Variants in HHAT observed in about 807,000 individuals in gnomAD.
The protein encoded by HHAT is protein-cysteine N-palmitoyltransferase HHAT.
Under a neutral mutation model 70.8 loss-of-function variants are expected in HHAT, and 47 were observed. That is an observed-to-expected ratio of 0.66 (90% CI 0.53 to 0.85). HHAT has a LOEUF of 0.85. HHAT is among the 40% of genes least tolerant of loss of function. The pLI, the probability that HHAT is intolerant of heterozygous loss-of-function variation, is 0.00. For synonymous variants in HHAT, 228 were observed against 247.6 expected (o/e 0.92, Z 0.74); for missense variants, 609 against 604.8 (o/e 1.01, Z -0.07).
At chr1:210,340,210 C>T (rs574152452) in intron 1 of HHAT, among the ~76,000 whole-genome samples, 27 of 136,632 alleles carry the variant, frequency 2.0e-4, no homozygotes, top group African/African-American at 7.0e-4. Flanking sequence ...CAGCACACTC[C>T]GGCCTGGGGG....
intron 8 of HHAT, among the ~76,000 whole-genome samples, chr1:210,497,980 CT>C (rs2094683053): frequency 6.6e-6 from 1 of 152,046 alleles, no homozygotes; most frequent in South Asian, 2.1e-4. Flanking sequence ...TGGTCTCGAT[CT>C]CTTGACCTTG....
At chr1:210,520,296 T>C (rs1158010194) in intron 9 of HHAT, among the ~76,000 whole-genome samples, 1 of 152,256 alleles carries the variant, frequency 6.6e-6, no homozygotes, top group East Asian at 1.9e-4. Context: ...ATTATAGGCA[T>C]GAGCCACTGC....
chr1:210,336,178 G>A (rs1167091774), intron 1 of HHAT, among the ~76,000 whole-genome samples: 2 of 151,920 alleles, frequency 1.3e-5, no homozygotes, highest in African/African-American at 4.8e-5. Context: ...GGAGTGCAGT[G>A]GTGTGATCTC....
At chr1:210,426,044 G>A (rs1451043852) in intron 7 of HHAT, among the ~76,000 whole-genome samples, 1 of 152,134 alleles carries the variant, frequency 6.6e-6, no homozygotes, top group Non-Finnish European at 1.5e-5. Flanking sequence ...AGTTATACTT[G>A]TAGCTATCTT....
At chr1:210,473,361 C>A (rs1376101805) in intron 8 of HHAT, among the ~76,000 whole-genome samples, 2 of 152,116 alleles carry the variant, frequency 1.3e-5, no homozygotes, top group African/African-American at 4.8e-5. Flanking sequence ...GCATGTTCAA[C>A]CCCTTCTTCC....
intron 9 of HHAT, among the ~76,000 whole-genome samples, chr1:210,563,497 G>A (rs2095642614): frequency 6.6e-6 from 1 of 152,110 alleles, no homozygotes; most frequent in Admixed American, 6.5e-5. Context: ...ACATTGCGGT[G>A]GAGTGAAGTC....
At chr1:210,469,974 T>C (rs112732854) in intron 8 of HHAT, among the ~76,000 whole-genome samples, 16,354 of 152,190 alleles carry the variant, frequency 0.11, 1,019 homozygotes, top group Middle Eastern at 0.18. Flanking sequence ...GTATTTGTCC[T>C]AATGCACTCC....
chr1:210,544,719 C>T (rs1334837590), intron 9 of HHAT, among the ~76,000 whole-genome samples: 2 of 152,096 alleles, frequency 1.3e-5, no homozygotes, highest in Admixed American at 1.3e-4. Flanking sequence ...TAATCTAGTT[C>T]ATACATGGGT....
intron 1 of HHAT, among the ~76,000 whole-genome samples, chr1:210,348,729 A>ATG (rs1224033253): frequency 1.4e-5 from 1 of 72,336 alleles, no homozygotes; most frequent in Admixed American, 1.6e-4. Context: ...TGTGTGGTGT[A>ATG]TGTGTGCGTG....
At chr1:210,543,903 T>G (rs1369043682) in intron 9 of HHAT, among the ~76,000 whole-genome samples, 2 of 152,114 alleles carry the variant, frequency 1.3e-5, no homozygotes, top group Non-Finnish European at 2.9e-5. Flanking sequence ...TCCAGCCCTA[T>G]TTTTCTACCC....
chr1:210,376,941 C>T (rs768214019), intron 3 of HHAT, among the ~76,000 whole-genome samples: 6 of 152,306 alleles, frequency 3.9e-5, no homozygotes, highest in African/African-American at 4.8e-5. Context: ...GGCCTTCTGC[C>T]CTGGGGGCCT....
intron 1 of HHAT, among the ~76,000 whole-genome samples, chr1:210,343,795 C>T (rs76947596): frequency 2.6e-5 from 4 of 152,040 alleles, no homozygotes; most frequent in Non-Finnish European, 5.9e-5. Context: ...TCCAGATGCA[C>T]GTAGGATGGG....
At chr1:210,389,261 G>A (rs2091289451) in intron 4 of HHAT, among the ~76,000 whole-genome samples, 1 of 152,232 alleles carries the variant, frequency 6.6e-6, no homozygotes, top group Non-Finnish European at 1.5e-5. Context: ...AGGCTGGGAA[G>A]TCCAAGTCAC....
At chr1:210,449,486 A>G (rs2093704810) in intron 7 of HHAT, among the ~76,000 whole-genome samples, 1 of 152,000 alleles carries the variant, frequency 6.6e-6, no homozygotes, top group Admixed American at 6.5e-5. Context: ...GGGATGGTTC[A>G]TTTCTTCATG....
rs71146238 is a variant in HHAT at position 210,638,722 on chromosome 1, C to CAAAAAAAAA, written c.1390+15068_1390+15076dup. 1.1e-3 allele frequency among the ~76,000 whole-genome samples: 109 copies of CAAAAAAAAA among 95,274 alleles called. 3 individuals carry two copies. The highest frequency in any genetic ancestry group is 6.8e-3 in the Middle Eastern group (1 of 148). 62.5% of individuals were successfully genotyped at this position (95,274 alleles called of 152,430 possible). A position where few individuals can be genotyped will look rare whatever the true frequency, so the allele number is the denominator to read the frequency against. On this transcript the variant is annotated intron_variant, in intron 11 of 11. Transcript: ENST00000261458. ...GCAACATAGAGAGACCCTGTATTTA[C>CAAAAAAAAA]AAAAAAAAAAAAAAAAAAAAAAAAT...
At chr1:210,400,761 T>C in intron 5 of HHAT, 99 bp downstream of exon 5, 2 of 1,137,270 alleles carry the variant, frequency 1.8e-6, no homozygotes, top group Non-Finnish European at 2.5e-6. Context: ...GAGATGATTG[T>C]AGAACTGTGA....
intron 3 of HHAT, among the ~76,000 whole-genome samples, chr1:210,378,921 A>G (rs2090430212): frequency 6.6e-6 from 1 of 152,228 alleles, no homozygotes; most frequent in African/African-American, 2.4e-5. Context: ...ATCAGAGGAG[A>G]CATTTCTTCC....
chr1:210,498,637 G>A (rs779165490), intron 8 of HHAT, among the ~76,000 whole-genome samples: 18 of 152,210 alleles, frequency 1.2e-4, no homozygotes, highest in Non-Finnish European at 2.2e-4. Context: ...GGTGTTGTAG[G>A]CCTGGCCCAC....
chr1:210,463,512 T>G (rs1366396569), intron 7 of HHAT, among the ~76,000 whole-genome samples: 2 of 152,258 alleles, frequency 1.3e-5, no homozygotes, highest in African/African-American at 4.8e-5. Flanking sequence ...GTCTATTGTA[T>G]GGACAGACCA....
Sources: gnomAD v4.1 joint callset for allele counts (sites outside exome capture counted in the v4.1 genomes callset) on GRCh38, gnomAD v4.1.1 for gene constraint, MANE v1.5 for transcripts, NCBI Gene and HGNC (gene_info 2026-07-23, HGNC 2026-07-21) for gene names.